The following ARMC3 variants were observed in gnomAD, a reference collection of about 807,000 sequenced individuals.
ARMC3 encodes the protein armadillo repeat-containing protein 3.
Under a neutral mutation model 90.3 loss-of-function variants are expected in ARMC3, and 74 were observed. The observed-to-expected ratio is 0.82, with a 90% CI of 0.68 to 0.99. The LOEUF (loss-of-function observed/expected upper bound fraction) is 0.99. Ranked by LOEUF, ARMC3 falls within the 50% of genes least tolerant of loss-of-function variation. ARMC3 has a pLI of 0.00. For missense variants in ARMC3, 958 were observed against 1,042.8 expected, an observed-to-expected ratio of 0.92 and a Z score of 1.12; for synonymous variants, 334 against 361.8, an observed-to-expected ratio of 0.92 and a Z score of 0.87.
In ARMC3 at chr10:23,038,245, G is replaced by A. The variant is rs1019998342; in HGVS notation, c.*766G>A. On this transcript the variant is annotated 3_prime_UTR_variant, in exon 19 of 19. Transcript: ENST00000298032. ...GAAAACTTTGAAGCATAAAGGTAGA[G>A]CAAATCTTTGCTGAGGAATTGTGTT... The A allele has an allele frequency of 2.0e-5, 3 of 152,112 alleles. No homozygotes were observed. Among genetic ancestry groups the A allele is most frequent in the African/African-American group, 4.8e-5 (2 of 41,442 alleles). The allele number at this position is 152,112 out of a possible 1,614,324, so 9.4% of individuals were successfully genotyped here.
At chr10:23,018,404 G>A (rs918846709) in intron 16 of ARMC3, among the ~76,000 whole-genome samples, 1 of 152,092 alleles carries the variant, frequency 6.6e-6, no homozygotes, top group African/African-American at 2.4e-5. Flanking sequence ...GGCCATAGAT[G>A]GTGCCTCTTG....
Position 23,030,645 on chromosome 10 carries a change from G to C in ARMC3, c.2095G>C (p.Val699Leu). ...EEEKVKEEEEVMVVPKFVGEG... is the reference protein window; with the variant it reads ...EEEKVKEEEELMVVPKFVGEG... ...GGAAAAAGTGAAAGAGGAGGAAGAG[G>C]TTATGGTGGTACCAAAATTTGTTGG... The change falls in exon 17 of 19, where the codon GTT (valine) becomes CTT (leucine). Residue 699 changes from valine to leucine, a missense_variant. Physicochemically the swap from Val to Leu is conservative, Grantham distance 32. Coordinates refer to ENST00000298032, the MANE Select transcript of ARMC3 (RefSeq NM_173081.5). 1.9e-6 allele frequency: 3 copies of C among 1,613,740 alleles called. No homozygotes were observed. Among genetic ancestry groups the C allele is most frequent in the Non-Finnish European group, 2.5e-6 (3 of 1,179,828 alleles).
intron 8 of ARMC3, among the ~76,000 whole-genome samples, chr10:22,974,584 G>T (rs1275747703): frequency 2.0e-5 from 3 of 151,362 alleles, no homozygotes; most frequent in Non-Finnish European, 2.9e-5. Flanking sequence ...CCTTTCTGAT[G>T]TTTCTAAGAT....
intron 4 of ARMC3, 68 bp downstream of exon 4, chr10:22,956,000 A>G: frequency 2.2e-6 from 3 of 1,382,284 alleles, no homozygotes; most frequent in Non-Finnish European, 2.0e-6. Context: ...TTTAAATTTA[A>G]CATTAAGGAA....
intron 11 of ARMC3, among the ~76,000 whole-genome samples, chr10:23,001,709 C>T (rs968723682): frequency 6.6e-6 from 1 of 152,294 alleles, no homozygotes. Context: ...CCCTGGGATA[C>T]TTTCCCAGGG....
chr10:23,036,041 G>A (rs1230505864), intron 18 of ARMC3, among the ~76,000 whole-genome samples: 1 of 152,116 alleles, frequency 6.6e-6, no homozygotes, highest in Non-Finnish European at 1.5e-5. Context: ...ATGACCTTAG[G>A]AAAATTATGC....
chr10:22,956,695 T>C (rs1163225676), intron 4 of ARMC3, among the ~76,000 whole-genome samples: 1 of 148,554 alleles, frequency 6.7e-6, no homozygotes, highest in Non-Finnish European at 1.5e-5. Context: ...TAATATATAA[T>C]ATATATTGAA....
At chr10:22,976,221 G>A (rs371234448) in intron 8 of ARMC3, among the ~76,000 whole-genome samples, 2 of 152,212 alleles carry the variant, frequency 1.3e-5, no homozygotes, top group East Asian at 3.9e-4. Context: ...TCTTCCCCTT[G>A]CCCCAGGGTC....
At chr10:22,988,453 T>C (rs1361659916) in intron 10 of ARMC3, among the ~76,000 whole-genome samples, 1 of 152,252 alleles carries the variant, frequency 6.6e-6, no homozygotes, top group Non-Finnish European at 1.5e-5. Flanking sequence ...GAAAGCACTT[T>C]TCAAACCTTT....
In ARMC3 at chr10:23,001,918, G is replaced by C. The variant is rs886183868; in HGVS notation, c.1426-1G>C. 3.7e-6 allele frequency: 6 copies of C among 1,612,976 alleles called. No homozygotes were observed. The highest frequency in any genetic ancestry group is 5.1e-6 in the Non-Finnish European group (6 of 1,179,586). On this transcript the variant is annotated splice_acceptor_variant, in intron 11 of 18. Coordinates refer to ENST00000298032, the MANE Select transcript of ARMC3 (RefSeq NM_173081.5). LOFTEE classifies it high-confidence loss of function. ...TGTAACATTTTGGTTTCTGCTTTTA[G>C]TTAAGAAATTCTGGTGGATTGGAGC...
chr10:23,024,151 T>C (rs1267883086), intron 16 of ARMC3, among the ~76,000 whole-genome samples: 4 of 152,140 alleles, frequency 2.6e-5, no homozygotes, highest in African/African-American at 4.8e-5. Flanking sequence ...TTTGAAACTA[T>C]AGAAGCCAGG....
chr10:22,959,290 C>T (rs1835091895), intron 5 of ARMC3, 109 bp from the exon 6 acceptor site: 3 of 1,348,812 alleles, frequency 2.2e-6, no homozygotes, highest in Non-Finnish European at 3.1e-6. Flanking sequence ...AAGAGGTGAG[C>T]TTTAAGCAAG....
At chr10:22,998,531 G>A (rs1283484951) in intron 11 of ARMC3, 134 bp downstream of exon 11, 7 of 1,187,028 alleles carry the variant, frequency 5.9e-6, no homozygotes, top group African/African-American at 1.5e-5. Flanking sequence ...AGTGGAAAAC[G>A]AATTGGCATT....
Position 23,008,334 on chromosome 10 carries a change from T to C in ARMC3, c.1888T>C (p.Ser630Pro). 1.9e-6 allele frequency: 3 copies of C among 1,552,676 alleles called. No individual in the cohort carries two copies. Among genetic ancestry groups the C allele is most frequent in the Non-Finnish European group, 1.8e-6 (2 of 1,137,598 alleles). The change falls in exon 15 of 19, where the codon TCT becomes CCT. Residue 630 changes from serine (S) to proline (P), a missense_variant. Ser to Pro is a moderately conservative substitution (Grantham distance 74). Coordinates refer to ENST00000298032, the MANE Select transcript of ARMC3 (RefSeq NM_173081.5). ...SDVGYGRSIS[S>P]SSSLRRSSKE... ...TGTTGGTTATGGACGAAGTATTTCT[T>C]CTTCATCTTCCTTAAGAAGATCAAG...
intron 8 of ARMC3, among the ~76,000 whole-genome samples, chr10:22,972,756 C>A (rs917063686): frequency 6.6e-6 from 1 of 152,132 alleles, no homozygotes; most frequent in Non-Finnish European, 1.5e-5. Flanking sequence ...GTTTATTATA[C>A]CCTCCTTGAA....
At chr10:22,971,054 C>T (rs1431088119) in intron 8 of ARMC3, among the ~76,000 whole-genome samples, 1 of 152,210 alleles carries the variant, frequency 6.6e-6, no homozygotes, top group Non-Finnish European at 1.5e-5. Context: ...CCCACTCCTT[C>T]CTCATACAAA....
intron 2 of ARMC3, among the ~76,000 whole-genome samples, chr10:22,942,955 G>A (rs573296779): frequency 6.6e-6 from 1 of 152,302 alleles, no homozygotes; most frequent in East Asian, 1.9e-4. Flanking sequence ...AACCAAATAT[G>A]AAAGAGTGAA....
chr10:23,003,706 T>C (rs1412615961), intron 13 of ARMC3, among the ~76,000 whole-genome samples: 1 of 152,138 alleles, frequency 6.6e-6, no homozygotes. Context: ...ATATCTGTAG[T>C]CCCAGCTATT....
At chr10:22,940,169 G>T (rs140580937) in intron 2 of ARMC3, among the ~76,000 whole-genome samples, 2 of 152,272 alleles carry the variant, frequency 1.3e-5, no homozygotes, top group African/African-American at 4.8e-5. Flanking sequence ...GCAGGACAAA[G>T]AATATTGCCT....
Sources: gnomAD v4.1 joint callset for allele counts (sites outside exome capture counted in the v4.1 genomes callset) on GRCh38, gnomAD v4.1.1 for gene constraint, MANE v1.5 for transcripts, NCBI Gene and HGNC (gene_info 2026-07-23, HGNC 2026-07-21) for gene names.